Variants in NBEA observed in about 807,000 individuals in gnomAD.
The protein encoded by NBEA is lysosomal-trafficking regulator 2.
NBEA carries 44 observed loss-of-function variants against 343.4 expected under a neutral mutation model. The observed-to-expected ratio is 0.13, with a 90% CI of 0.10 to 0.16. The LOEUF is 0.16. Among genes scored for constraint, NBEA ranks in the 10% least tolerant of loss-of-function variants. The probability of loss-of-function intolerance (pLI) is 1.00; values close to 1 mark genes in which losing one functional copy is unlikely to be tolerated. For synonymous variants in NBEA, 1,175 were observed against 1,238.7 expected, an observed-to-expected ratio of 0.95 and a Z score of 1.08; for missense variants, 2,555 against 3,631.3, an observed-to-expected ratio of 0.70 and a Z score of 7.62.
At chr13:35,516,610 G>T (rs1340041375) in intron 41 of NBEA, among the ~76,000 whole-genome samples, 1 of 151,986 alleles carries the variant, frequency 6.6e-6, no homozygotes, top group African/African-American at 2.4e-5. Flanking sequence ...TCCATTTGCT[G>T]TTTGATTTTT....
intron 7 of NBEA, among the ~76,000 whole-genome samples, chr13:35,057,468 CAAA>C (rs2063313819): frequency 1.3e-5 from 2 of 151,934 alleles, no homozygotes; most frequent in South Asian, 4.1e-4. Flanking sequence ...CAAACAAAAT[CAAA>C]GAAGAATGGG....
intron 56 of NBEA, among the ~76,000 whole-genome samples, 156 bp from the exon 57 acceptor site, chr13:35,667,218 A>C (rs888075510): frequency 2.0e-5 from 3 of 152,068 alleles, no homozygotes; most frequent in African/African-American, 7.2e-5. Flanking sequence ...GCTCTGTTTA[A>C]ATGTAGCATC....
intron 31 of NBEA, among the ~76,000 whole-genome samples, chr13:35,203,948 T>A (rs2073196166): frequency 6.6e-6 from 1 of 152,096 alleles, no homozygotes; most frequent in South Asian, 2.1e-4. Context: ...AGTATTGAGA[T>A]TTTTTAAAAA....
intron 46 of NBEA, among the ~76,000 whole-genome samples, chr13:35,589,161 A>G (rs1266823439): frequency 1.3e-5 from 2 of 152,146 alleles, no homozygotes; most frequent in African/African-American, 2.4e-5. Context: ...TGGTAGGTAC[A>G]TAGGTTAATT....
intron 44 of NBEA, among the ~76,000 whole-genome samples, chr13:35,564,699 A>G (rs2080048146): frequency 6.6e-6 from 1 of 152,192 alleles, no homozygotes; most frequent in Admixed American, 6.5e-5. Flanking sequence ...CTTAAACACA[A>G]GCAGGTTCAT....
intron 13 of NBEA, among the ~76,000 whole-genome samples, chr13:35,113,247 G>T (rs758812581): frequency 6.6e-6 from 1 of 151,926 alleles, no homozygotes; most frequent in Non-Finnish European, 1.5e-5. Flanking sequence ...AAGTCATATT[G>T]TATCTGTCTC....
At chr13:35,511,890 C>CA (rs2077292069) in intron 41 of NBEA, among the ~76,000 whole-genome samples, 2 of 151,974 alleles carry the variant, frequency 1.3e-5, no homozygotes, top group Non-Finnish European at 2.9e-5. Flanking sequence ...AGGAGAATGA[C>CA]AAAAAAGTAT....
intron 39 of NBEA, among the ~76,000 whole-genome samples, chr13:35,439,020 T>C (rs1264934784): frequency 1.3e-5 from 2 of 152,208 alleles, no homozygotes; most frequent in East Asian, 3.8e-4. Context: ...CTACATACTA[T>C]GCACGTGCTA....
At position 34,963,666 on chromosome 13, in the gene NBEA, T is replaced by C. The variant is rs1050779843; in HGVS notation, c.294+20552T>C. ...TTGTAAACCCATTGCTTTTTTACTTTGAATTATTTCATCCTTTTCCATGCT... is the reference window on the plus strand; with the variant it reads ...TTGTAAACCCATTGCTTTTTTACTTCGAATTATTTCATCCTTTTCCATGCT... On this transcript the variant is annotated intron_variant, in intron 1 of 58. Transcript: ENST00000379939. Among the ~76,000 whole-genome samples the C allele has an allele frequency of 2.6e-5, 4 of 152,008 alleles. No individual in the cohort carries two copies. In the South Asian group the frequency reaches 8.3e-4, roughly 31 times the overall value.
chr13:35,006,711 C>T (rs549835447), intron 1 of NBEA, among the ~76,000 whole-genome samples: 1 of 152,146 alleles, frequency 6.6e-6, no homozygotes, highest in African/African-American at 2.4e-5. Context: ...AGGATATATT[C>T]CTAGATATAG....
chr13:35,461,309 T>C (rs149339838), intron 40 of NBEA, among the ~76,000 whole-genome samples: 1 of 152,344 alleles, frequency 6.6e-6, no homozygotes, highest in Admixed American at 6.5e-5. Flanking sequence ...GATCTGTTCT[T>C]TCTTAATACA....
intron 1 of NBEA, among the ~76,000 whole-genome samples, chr13:34,970,773 T>C (rs1366451065): frequency 6.6e-6 from 1 of 152,170 alleles, no homozygotes; most frequent in Non-Finnish European, 1.5e-5. Context: ...TTTTGGTTAA[T>C]GTAGCTCTGT....
intron 45 of NBEA, among the ~76,000 whole-genome samples, chr13:35,577,449 A>T (rs902459876): frequency 6.6e-6 from 1 of 152,168 alleles, no homozygotes; most frequent in Non-Finnish European, 1.5e-5. Context: ...GGAAATTGGC[A>T]TTTATTATTC....
At chr13:35,482,895 T>A (rs2076173878) in intron 41 of NBEA, among the ~76,000 whole-genome samples, 3 of 151,860 alleles carry the variant, frequency 2.0e-5, no homozygotes, top group African/African-American at 7.2e-5. Flanking sequence ...ATGCCCTGAT[T>A]TCATTATTTT....
At chr13:34,975,336 A>C (rs968326909) in intron 1 of NBEA, among the ~76,000 whole-genome samples, 6 of 152,218 alleles carry the variant, frequency 3.9e-5, no homozygotes, top group African/African-American at 1.4e-4. Flanking sequence ...TCTTCGACAA[A>C]GCAAACAAAA....
intron 41 of NBEA, among the ~76,000 whole-genome samples, chr13:35,535,110 TA>T (rs139024691): frequency 0.33 from 50,872 of 151,966 alleles, 9,181 homozygotes; most frequent in Middle Eastern, 0.48. Flanking sequence ...TTTACCCAAT[TA>T]TAGATATTTG....
chr13:35,634,430 GT>G (rs1397556236), intron 49 of NBEA, among the ~76,000 whole-genome samples: 3 of 152,170 alleles, frequency 2.0e-5, no homozygotes, highest in African/African-American at 4.8e-5. Flanking sequence ...AGTTGTACTG[GT>G]TCAGCAAGAG....
At chr13:35,353,519 GAT>G (rs1422721654) in intron 38 of NBEA, among the ~76,000 whole-genome samples, 11 of 152,000 alleles carry the variant, frequency 7.2e-5, no homozygotes, top group African/African-American at 2.4e-4. Context: ...ATGAGTGTAA[GAT>G]AGGTTTTTTA....
At chr13:35,010,744 ATATAT>A (rs1566159140) in intron 1 of NBEA, among the ~76,000 whole-genome samples, 5,958 of 61,688 alleles carry the variant, frequency 0.097, 667 homozygotes, top group Non-Finnish European at 0.12. Flanking sequence ...AAAAAAAAAT[ATATAT>A]ATATATATAT....
Sources: allele counts gnomAD v4.1 joint callset (sites outside exome capture counted in the v4.1 genomes callset), GRCh38; gene constraint gnomAD v4.1.1; transcripts MANE v1.5; gene names NCBI Gene and HGNC (gene_info 2026-07-23, HGNC 2026-07-21).